MUC7: variants seen among roughly 807,000 people sequenced by gnomAD.
The protein encoded by MUC7 is mucin 7, secreted.
In MUC7, 2 loss-of-function variants were observed where a neutral mutation model predicts 2.5. The ratio of observed to expected loss-of-function variants is 0.81; its 90% CI spans 0.33 to 2.55. The LOEUF (loss-of-function observed/expected upper bound fraction) is 2.55. MUC7 is among the 30% of genes most tolerant of loss of function. The probability of loss-of-function intolerance (pLI) is 0.11; values close to 1 mark genes in which losing one functional copy is unlikely to be tolerated. For synonymous variants in MUC7, 133 were observed against 173.4 expected (o/e 0.77, Z 1.83); for missense variants, 408 against 455.6 (o/e 0.90, Z 0.95).
intron 1 of MUC7, among the ~76,000 whole-genome samples, chr4:70,453,768 C>A (rs1276329759): frequency 1.3e-5 from 2 of 152,128 alleles, no homozygotes; most frequent in Non-Finnish European, 2.9e-5. Flanking sequence ...AGAGTCTCAC[C>A]CACAGCAGAA....
At chr4:70,461,615 C>G (rs1162693008) in intron 1 of MUC7, among the ~76,000 whole-genome samples, 1 of 152,110 alleles carries the variant, frequency 6.6e-6, no homozygotes, top group Non-Finnish European at 1.5e-5. Flanking sequence ...AAAATGCTAT[C>G]TTTAAAGTAG....
chr4:70,467,160 C>A (rs1734705114), intron 1 of MUC7, among the ~76,000 whole-genome samples: 2 of 152,160 alleles, frequency 1.3e-5, no homozygotes, highest in Admixed American at 1.3e-4. Context: ...TGAATGACTA[C>A]TGGTTAAATA....
At chr4:70,432,187 G>A (rs748197590) in intron 1 of MUC7, among the ~76,000 whole-genome samples, 5 of 152,132 alleles carry the variant, frequency 3.3e-5, no homozygotes, top group East Asian at 1.9e-4. Context: ...TTGCTATTGC[G>A]AATAGCGCCA....
At chr4:70,453,139 T>G (rs1734322203) in intron 1 of MUC7, among the ~76,000 whole-genome samples, 1 of 152,144 alleles carries the variant, frequency 6.6e-6, no homozygotes, top group Admixed American at 6.6e-5. Context: ...ACCACCTATG[T>G]TTGTTTGCTC....
At chr4:70,432,613 T>A (rs1224027353) in intron 1 of MUC7, among the ~76,000 whole-genome samples, 1 of 152,222 alleles carries the variant, frequency 6.6e-6, no homozygotes, top group African/African-American at 2.4e-5. Flanking sequence ...TAAATTTGTT[T>A]AAGCTCTTTG....
chr4:70,458,356 A>C (rs781083682), intron 1 of MUC7, among the ~76,000 whole-genome samples: 24 of 152,260 alleles, frequency 1.6e-4, no homozygotes, highest in Non-Finnish European at 2.6e-4. Context: ...GGAATAGTGC[A>C]CAGGTGATAC....
chr4:70,450,246 A>AG (rs1169232976), intron 1 of MUC7, among the ~76,000 whole-genome samples: 3 of 152,166 alleles, frequency 2.0e-5, no homozygotes, highest in Non-Finnish European at 4.4e-5. Flanking sequence ...CCCAGGCACA[A>AG]GGGGTACTGA....
In MUC7 at chr4:70,455,384, G is replaced by A. The variant is rs369099173; in HGVS notation, c.-92-16831G>A. On this transcript the variant is annotated intron_variant, in intron 1 of 3. Transcript: ENST00000413702. ...ATCTCATATAAAACTGTTCTTATAT[G>A]CCATATATCAAGCTAGAATGTATTC... 5.1e-4 allele frequency among the ~76,000 whole-genome samples: 77 copies of A among 152,074 alleles called. 2 individuals carry two copies. The South Asian group carries it at 0.016, about 31-fold the overall frequency.
chr4:70,474,755 T>C (rs1734946546), intron 2 of MUC7, among the ~76,000 whole-genome samples: 1 of 152,040 alleles, frequency 6.6e-6, no homozygotes, highest in Non-Finnish European at 1.5e-5. Context: ...CTCAGCATGA[T>C]CAAAGCACTC....
intron 1 of MUC7, among the ~76,000 whole-genome samples, chr4:70,431,132 A>C (rs1294375472): frequency 6.6e-6 from 1 of 152,184 alleles, no homozygotes; most frequent in Non-Finnish European, 1.5e-5. Context: ...AAAAAAGACC[A>C]CAAAAATCTT....
chr4:70,480,868 C>T lies in MUC7; in HGVS notation c.124C>T (p.His42Tyr). The change falls in exon 3 of 3, where the codon CAC becomes TAC. Residue 42 changes from histidine (H) to tyrosine (Y), a missense_variant. By Grantham distance (83) the His-to-Tyr change is moderately conservative. Around this residue, in one of 3 missense-constraint regions of MUC7, gnomAD observed 225 missense variants for 240.5 expected, o/e 0.94. Transcript: ENST00000304887. ...GCATCATCACCAATCACCCAAATCTCACTTTGAATTACCACATTATCCTGG... is the reference window on the plus strand; with the variant it reads ...GCATCATCACCAATCACCCAAATCTTACTTTGAATTACCACATTATCCTGG... ...RRHHHQSPKSHFELPHYPGLL... is the reference protein window; with the variant it reads ...RRHHHQSPKSYFELPHYPGLL... 1.2e-6 allele frequency: 2 copies of T among 1,614,174 alleles called. No homozygotes were observed. The highest frequency in any genetic ancestry group is 1.7e-6 in the Non-Finnish European group (2 of 1,179,994).
At chr4:70,438,588 C>A (rs1417127512) in intron 1 of MUC7, among the ~76,000 whole-genome samples, 1 of 152,040 alleles carries the variant, frequency 6.6e-6, no homozygotes, top group Non-Finnish European at 1.5e-5. Context: ...TTCCAAGTAC[C>A]TGGGACTACG....
At chr4:70,440,658 T>A (rs980142107) in intron 1 of MUC7, among the ~76,000 whole-genome samples, 5 of 152,172 alleles carry the variant, frequency 3.3e-5, no homozygotes, top group Non-Finnish European at 7.4e-5. Flanking sequence ...ATTACACTAA[T>A]TTGATCTATA....
At position 70,481,073 on chromosome 4, in the gene MUC7, A is replaced by G; in HGVS notation, c.329A>G (p.Gln110Arg). Residue 110 changes from glutamine to arginine, a missense_variant, in exon 3 of 3, where the codon CAA becomes CGA. By Grantham distance (43) the Gln-to-Arg change is conservative. Transcript: ENST00000304887. ...AACCCTACCTTAGTGGCTACAACCC[A>G]AATTCCATCTGTGACTTTCCCATCA... is the stretch of plus-strand genomic sequence containing the variant. ...VVNPTLVATTQIPSVTFPSAS... is the reference protein window; with the variant it reads ...VVNPTLVATTRIPSVTFPSAS... 1.2e-6 allele frequency: 2 copies of G among 1,614,104 alleles called. No individual in the cohort carries two copies. Among genetic ancestry groups the G allele is most frequent in the Non-Finnish European group, 1.7e-6 (2 of 1,180,010 alleles).
chr4:70,475,334 A>G (rs1168896526), intron 2 of MUC7, among the ~76,000 whole-genome samples: 1 of 152,170 alleles, frequency 6.6e-6, no homozygotes. Flanking sequence ...GGCATGTTAC[A>G]TTTGAAATGG....
chr4:70,456,233 T>C (rs1340122850), intron 1 of MUC7, among the ~76,000 whole-genome samples: 1 of 152,192 alleles, frequency 6.6e-6, no homozygotes, highest in Non-Finnish European at 1.5e-5. Flanking sequence ...TTCAGAAGAC[T>C]CTGAAAACAT....
intron 1 of MUC7, among the ~76,000 whole-genome samples, chr4:70,452,822 G>A (rs1734311482): frequency 6.6e-6 from 1 of 152,074 alleles, no homozygotes; most frequent in Admixed American, 6.6e-5. Context: ...CCTCATTAAT[G>A]TCCTTTTCTT....
intron 1 of MUC7, among the ~76,000 whole-genome samples, chr4:70,453,583 T>C (rs1734344828): frequency 6.6e-6 from 1 of 151,770 alleles, no homozygotes; most frequent in Non-Finnish European, 1.5e-5. Flanking sequence ...GGCCTGGAAC[T>C]GGAGACCCCA....
At chr4:70,456,009 T>G (rs1027162968) in intron 1 of MUC7, among the ~76,000 whole-genome samples, 2 of 152,204 alleles carry the variant, frequency 1.3e-5, no homozygotes, top group Non-Finnish European at 2.9e-5. Context: ...CTCTTCAGGC[T>G]GGACTTTGCA....
Sources: gnomAD v4.1 joint callset for allele counts (sites outside exome capture counted in the v4.1 genomes callset) on GRCh38, gnomAD v4.1.1 for gene constraint, gnomAD v4.1.1 regional missense constraint, MANE v1.5 for transcripts, NCBI Gene and HGNC (gene_info 2026-07-23, HGNC 2026-07-21) for gene names.